Variants in INPP4B observed in about 807,000 individuals in gnomAD.
The protein encoded by INPP4B is inositol polyphosphate-4-phosphatase type II B, also known as inositol polyphosphate 4-phosphatase type II.
Under a neutral mutation model 122.5 loss-of-function variants are expected in INPP4B, and 55 were observed. The ratio of observed to expected loss-of-function variants is 0.45; its 90% CI spans 0.36 to 0.56. The LOEUF (loss-of-function observed/expected upper bound fraction) is 0.56, where lower values mean the gene tolerates loss of function less well. INPP4B is among the 20% of genes least tolerant of loss of function. The pLI is 0.00. For synonymous variants in INPP4B, 403 were observed against 388.7 expected (o/e 1.04, Z -0.43); for missense variants, 1,000 against 1,097.7 (o/e 0.91, Z 1.26).
intron 2 of INPP4B, among the ~76,000 whole-genome samples, chr4:142,551,409 T>C (rs1727946051): frequency 6.6e-6 from 1 of 152,072 alleles, no homozygotes; most frequent in Admixed American, 6.6e-5. Flanking sequence ...TGCACAGAAA[T>C]AAAAGGGAGG....
chr4:142,331,597 T>G (rs1041928514), intron 7 of INPP4B, among the ~76,000 whole-genome samples: 1 of 152,200 alleles, frequency 6.6e-6, no homozygotes, highest in African/African-American at 2.4e-5. Flanking sequence ...CTTAATAGAA[T>G]TTACGTATTT....
At chr4:142,137,805 T>C (rs1256013334) in intron 18 of INPP4B, among the ~76,000 whole-genome samples, 1 of 151,810 alleles carries the variant, frequency 6.6e-6, no homozygotes, top group African/African-American at 2.4e-5. Flanking sequence ...TCACTGGCCA[T>C]TAGAGAAATG....
At chr4:142,195,965 G>C (rs1225815502) in intron 14 of INPP4B, among the ~76,000 whole-genome samples, 2 of 152,036 alleles carry the variant, frequency 1.3e-5, no homozygotes, top group African/African-American at 4.8e-5. Context: ...GCTACTCTCT[G>C]GGAACAGAAA....
intron 7 of INPP4B, among the ~76,000 whole-genome samples, chr4:142,336,244 T>G (rs1776536405): frequency 6.6e-6 from 1 of 152,244 alleles, no homozygotes; most frequent in South Asian, 2.1e-4. Context: ...GCCTGGAACC[T>G]GCCACATGGC....
At chr4:142,637,163 A>G (rs1434605919) in intron 2 of INPP4B, among the ~76,000 whole-genome samples, 1 of 152,194 alleles carries the variant, frequency 6.6e-6, no homozygotes, top group Non-Finnish European at 1.5e-5. Context: ...ACAATGGTAC[A>G]TTTGTTAGAA....
intron 2 of INPP4B, among the ~76,000 whole-genome samples, chr4:142,547,502 T>G (rs111975215): frequency 9.2e-5 from 14 of 152,140 alleles, no homozygotes; most frequent in Non-Finnish European, 1.8e-4. Context: ...TTAGCAAAAT[T>G]TGGCAAGAGA....
chr4:142,765,348 C>T lies in INPP4B; in HGVS notation c.-253-39447G>A, dbSNP rs571087302. ...TGTGTAATTCTGCAAAATAAAATTA[C>T]ACAAGAGTTGTGACCACCTGAGTAT... On this transcript the variant is annotated intron_variant, in intron 1 of 25. Transcript: ENST00000262992. Among the ~76,000 whole-genome samples, 100 of 152,266 alleles carry T rather than the reference C, an allele frequency of 6.6e-4. 3 individuals carry two copies. In the South Asian group the frequency reaches 0.02, roughly 31 times the overall value.
intron 7 of INPP4B, among the ~76,000 whole-genome samples, chr4:142,386,788 A>G (rs751583509): frequency 6.6e-6 from 1 of 152,114 alleles, no homozygotes; most frequent in Admixed American, 6.6e-5. Flanking sequence ...TCCTTGCTCA[A>G]TTAAACTCCT....
intron 9 of INPP4B, among the ~76,000 whole-genome samples, chr4:142,290,579 C>T (rs907334549): frequency 6.6e-6 from 1 of 152,112 alleles, no homozygotes; most frequent in Non-Finnish European, 1.5e-5. Flanking sequence ...TACTGTTCCT[C>T]GAATATACCA....
chr4:142,461,294 T>C (rs1362715999), intron 3 of INPP4B, among the ~76,000 whole-genome samples: 1 of 152,188 alleles, frequency 6.6e-6, no homozygotes, highest in Non-Finnish European at 1.5e-5. Flanking sequence ...GCCTCCATTA[T>C]AAAACTTTAT....
chr4:142,482,756 T>G (rs926331166), intron 2 of INPP4B, among the ~76,000 whole-genome samples: 1 of 152,106 alleles, frequency 6.6e-6, no homozygotes. Flanking sequence ...TTTGACTTGG[T>G]CTAATTCTCC....
intron 2 of INPP4B, among the ~76,000 whole-genome samples, chr4:142,545,756 CATGTAT>C (rs1310578500): frequency 1.3e-5 from 1 of 74,752 alleles, no homozygotes; most frequent in African/African-American, 3.9e-5. Context: ...TATATATACA[CATGTAT>C]ATGTGTGTAT....
At chr4:142,316,025 A>T (rs1365783463) in intron 7 of INPP4B, among the ~76,000 whole-genome samples, 2 of 152,116 alleles carry the variant, frequency 1.3e-5, no homozygotes, top group Admixed American at 6.5e-5. Context: ...GCTAATCTTG[A>T]ACACAGTTGC....
At chr4:142,831,855 T>G (rs1449989837) in intron 1 of INPP4B, among the ~76,000 whole-genome samples, 1 of 152,150 alleles carries the variant, frequency 6.6e-6, no homozygotes, top group Non-Finnish European at 1.5e-5. Flanking sequence ...TCACCCAAGG[T>G]GTACTTATTT....
At chr4:142,818,773 A>G (rs1055298763) in intron 1 of INPP4B, among the ~76,000 whole-genome samples, 1 of 152,118 alleles carries the variant, frequency 6.6e-6, no homozygotes, top group African/African-American at 2.4e-5. Flanking sequence ...TTGTTCTCAC[A>G]TCAGAGAGCC....
intron 2 of INPP4B, among the ~76,000 whole-genome samples, chr4:142,652,152 C>G (rs970360573): frequency 6.6e-6 from 1 of 152,178 alleles, no homozygotes; most frequent in East Asian, 1.9e-4. Flanking sequence ...CAGAAAAGGC[C>G]TTCGACAAAA....
At position 142,183,309 on chromosome 4, in the gene INPP4B, AC is replaced by A. The variant is rs112085421; in HGVS notation, c.1182-9501del. On this transcript the variant is annotated intron_variant, in intron 15 of 25. Coordinates refer to ENST00000262992, the MANE Select transcript of INPP4B (RefSeq NM_001101669.3). ...TCCATCTTCCTTCTCTGATGGGGTT[AC>A]CACAATAATCAATTATTAATGTAAG... is the stretch of plus-strand genomic sequence containing the variant. Among the ~76,000 whole-genome samples the A allele has an allele frequency of 3.0e-3, 452 of 152,342 alleles. 2 individuals carry two copies. Among genetic ancestry groups the A allele is most frequent in the African/African-American group, 0.01 (419 of 41,574 alleles).
At chr4:142,376,195 T>C (rs1349213559) in intron 7 of INPP4B, among the ~76,000 whole-genome samples, 1 of 152,026 alleles carries the variant, frequency 6.6e-6, no homozygotes, top group Non-Finnish European at 1.5e-5. Flanking sequence ...GTAGCAAATA[T>C]AATTTCTAGG....
intron 1 of INPP4B, among the ~76,000 whole-genome samples, chr4:142,757,659 C>T (rs756007689): frequency 6.6e-6 from 1 of 152,150 alleles, no homozygotes; most frequent in Non-Finnish European, 1.5e-5. Flanking sequence ...TCTGGATTTA[C>T]CACAGTTTCT....
Sources: gnomAD v4.1 joint callset for allele counts (sites outside exome capture counted in the v4.1 genomes callset) on GRCh38, gnomAD v4.1.1 for gene constraint, MANE v1.5 for transcripts, NCBI Gene and HGNC (gene_info 2026-07-23, HGNC 2026-07-21) for gene names.